The following OR7E24 variants were observed in gnomAD, a reference collection of about 807,000 sequenced individuals.
The protein encoded by OR7E24 is olfactory receptor 7E24.
For missense variants in OR7E24, 385 were observed against 410.3 expected (o/e 0.94, Z 0.53); for synonymous variants, 130 against 157.5 (o/e 0.83, Z 1.31).
the OR7E24 span, among the ~76,000 whole-genome samples, chr19:9,233,762 G>A: frequency 6.6e-6 from 1 of 152,256 alleles, no homozygotes; most frequent in South Asian, 2.1e-4. Flanking sequence ...TTATGATATG[G>A]CCGTTGTATG....
the OR7E24 span, among the ~76,000 whole-genome samples, chr19:9,239,286 C>T: frequency 6.6e-6 from 1 of 152,048 alleles, no homozygotes; most frequent in South Asian, 2.1e-4. Flanking sequence ...TCTCCTTCCT[C>T]AGCCTCCCGA....
At chr19:9,221,815 T>C in the OR7E24 span, among the ~76,000 whole-genome samples, 40 of 152,312 alleles carry the variant, frequency 2.6e-4, no homozygotes, top group East Asian at 7.7e-3. Flanking sequence ...TGTGTGGAGA[T>C]TTTTAGTTTA....
the OR7E24 span, among the ~76,000 whole-genome samples, chr19:9,242,191 GC>G: frequency 1.9e-3 from 289 of 152,262 alleles, no homozygotes; most frequent in African/African-American, 6.5e-3. Flanking sequence ...TTAGGATTGT[GC>G]TTGTTGCTTT....
At chr19:9,229,245 T>C in the OR7E24 span, among the ~76,000 whole-genome samples, 13 of 152,258 alleles carry the variant, frequency 8.5e-5, no homozygotes, top group East Asian at 2.1e-3. Context: ...AATTAAACTT[T>C]CCTGCCAGGG....
upstream of OR7E24, chr19:9,247,256 C>A (rs550770163): frequency 1.7e-4 from 65 of 382,886 alleles, no homozygotes; most frequent in African/African-American, 1.3e-3. Context: ...GAACATGGAC[C>A]AGTTTGGCTA....
Position 9,251,716 on chromosome 19 carries a change from G to T in OR7E24, c.673G>T (p.Gly225Cys). The part of the protein sequence containing the change: ...MVIYFMGAIF[G>C]CLPISGILFS... ...CATATATTTCATGGGTGCCATATTTGGCTGTCTCCCTATCTCAGGGATCCT... is the reference window on the plus strand; with the variant it reads ...CATATATTTCATGGGTGCCATATTTTGCTGTCTCCCTATCTCAGGGATCCT... The change falls in exon 1 of 1, where the codon GGC becomes TGC. Residue 225 changes from glycine to cysteine, a missense_variant. By Grantham distance (159) the Gly-to-Cys change is radical (BLOSUM62 -3). Coordinates refer to ENST00000456448, the MANE Select transcript of OR7E24 (RefSeq NM_001079935.2). 6.2e-7 allele frequency: 1 copy of T among 1,613,346 alleles called. No homozygotes were observed. The highest frequency in any genetic ancestry group is 8.5e-7 in the Non-Finnish European group (1 of 1,179,668).
chr19:9,223,103 T>C, the OR7E24 span, among the ~76,000 whole-genome samples: 3 of 152,226 alleles, frequency 2.0e-5, no homozygotes, highest in Non-Finnish European at 4.4e-5. Context: ...TTTCTTGTTG[T>C]TTAATTTGCA....
At chr19:9,226,720 A>G in the OR7E24 span, among the ~76,000 whole-genome samples, 3 of 152,202 alleles carry the variant, frequency 2.0e-5, no homozygotes, top group Non-Finnish European at 4.4e-5. Context: ...ATTTATTCCC[A>G]ATTAGACAAG....
chr19:9,206,772 C>A, the OR7E24 span: 2 of 152,200 alleles, frequency 1.3e-5, no homozygotes, highest in African/African-American at 4.8e-5. Flanking sequence ...TTAATTTTCA[C>A]AGTTCGTGTG....
chr19:9,235,846 T>C, the OR7E24 span: 2 of 1,610,676 alleles, frequency 1.2e-6, no homozygotes, highest in Non-Finnish European at 1.7e-6. Context: ...CGAGGGCAAG[T>C]ACAAAGCCTT....
upstream of OR7E24, among the ~76,000 whole-genome samples, chr19:9,246,786 C>T (rs1052176373): frequency 8.5e-5 from 13 of 152,122 alleles, no homozygotes; most frequent in Admixed American, 7.2e-4. Context: ...CTATTTATGT[C>T]AAGTATTTTG....
At chr19:9,234,456 G>GA in the OR7E24 span, among the ~76,000 whole-genome samples, 2 of 151,890 alleles carry the variant, frequency 1.3e-5, no homozygotes, top group Non-Finnish European at 2.9e-5. Flanking sequence ...TTTTTAGAAA[G>GA]AAAAAAATAA....
At chr19:9,233,859 C>T in the OR7E24 span, among the ~76,000 whole-genome samples, 3 of 151,554 alleles carry the variant, frequency 2.0e-5, no homozygotes, top group Admixed American at 6.6e-5. Flanking sequence ...ATTTACTACT[C>T]TTATTTAGAG....
the OR7E24 span, among the ~76,000 whole-genome samples, chr19:9,223,080 TGTGA>T: frequency 3.3e-4 from 50 of 152,332 alleles, no homozygotes; most frequent in African/African-American, 1.1e-3. Context: ...TTCTTCATTC[TGTGA>T]GTTTGATGTT....
At chr19:9,224,642 G>C in the OR7E24 span, among the ~76,000 whole-genome samples, 2 of 152,120 alleles carry the variant, frequency 1.3e-5, no homozygotes, top group Non-Finnish European at 2.9e-5. Context: ...GTGCAAGCCT[G>C]TAATCCTAGC....
the OR7E24 span, among the ~76,000 whole-genome samples, chr19:9,233,829 A>T: frequency 6.6e-6 from 1 of 152,134 alleles, no homozygotes; most frequent in African/African-American, 2.4e-5. Flanking sequence ...TTCACTCTTC[A>T]ATCCGTCCAT....
the OR7E24 span, among the ~76,000 whole-genome samples, chr19:9,227,989 G>T: frequency 2.0e-5 from 3 of 151,790 alleles, 1 homozygote; most frequent in South Asian, 6.2e-4. Context: ...TCCTGACCTC[G>T]TGATCCGCCC....
chr19:9,246,329 A>C (rs1234741930), upstream of OR7E24, among the ~76,000 whole-genome samples: 1 of 151,756 alleles, frequency 6.6e-6, no homozygotes, highest in Non-Finnish European at 1.5e-5. Flanking sequence ...TGGCCTCCCA[A>C]AGTGCTGGGA....
the OR7E24 span, chr19:9,210,612 CA>C: frequency 6.6e-6 from 1 of 152,104 alleles, no homozygotes; most frequent in Non-Finnish European, 1.5e-5. Flanking sequence ...AACTTCCATA[CA>C]ACCTATTTTA....
Sources: gnomAD v4.1 joint callset for allele counts (sites outside exome capture counted in the v4.1 genomes callset) on GRCh38, gnomAD v4.1.1 for gene constraint, MANE v1.5 for transcripts, NCBI Gene and HGNC (gene_info 2026-07-23, HGNC 2026-07-21) for gene names.